The following ATP2B3 variants were observed in gnomAD, a reference collection of about 807,000 sequenced individuals.
ATP2B3 encodes the protein plasma membrane calcium-transporting ATPase 3.
ATP2B3 carries 12 observed loss-of-function variants against 70.8 expected under a neutral mutation model. The ratio of observed to expected loss-of-function variants is 0.17; its 90% CI spans 0.11 to 0.27. The LOEUF (loss-of-function observed/expected upper bound fraction) is 0.27. ATP2B3 is among the 10% of genes least tolerant of loss of function. The pLI, the probability that ATP2B3 is intolerant of heterozygous loss-of-function variation, is 1.00. For synonymous variants in ATP2B3, 460 were observed against 497.8 expected (o/e 0.92, Z 1.01); for missense variants, 858 against 1,118.5 (o/e 0.77, Z 3.32).
At chrX:153,564,439 C>T (rs1195828528) in intron 20 of ATP2B3, among the ~76,000 whole-genome samples, 4 of 112,748 alleles carry the variant, frequency 3.5e-5, no homozygotes, top group African/African-American at 1.3e-4. Flanking sequence ...GTCCCCAGCC[C>T]CCTGCCCCAC....
chrX:153,552,333 T>G (rs146030279), intron 12 of ATP2B3, among the ~76,000 whole-genome samples: 1,684 of 112,138 alleles, frequency 0.015, 35 homozygotes, highest in African/African-American at 0.05. Context: ...GCTTCTGTTA[T>G]GATCATTTCC....
chrX:153,547,692 C>CTGAT, intron 8 of ATP2B3, 143 bp from the exon 9 acceptor site: 3 of 756,918 alleles, frequency 4.0e-6, no homozygotes, highest in Non-Finnish European at 5.4e-6. Context: ...AGAAGGGAAG[C>CTGAT]TGATAGACTT....
chrX:153,566,983 G>A (rs1452097195), intron 21 of ATP2B3, among the ~76,000 whole-genome samples: 1 of 112,523 alleles, frequency 8.9e-6, no homozygotes, highest in African/African-American at 3.2e-5. Flanking sequence ...GGTCCAAGGG[G>A]CCTCTCCAGC....
At chrX:153,532,049 G>A (rs1226313401) in intron 2 of ATP2B3, among the ~76,000 whole-genome samples, 4 of 112,063 alleles carry the variant, frequency 3.6e-5, no homozygotes, top group Non-Finnish European at 5.6e-5. Context: ...CAAGTCACAT[G>A]GAAGGCAGGG....
intron 18 of ATP2B3, 22 bp downstream of exon 18, chrX:153,559,964 G>A (rs782777547): frequency 1.3e-5 from 15 of 1,194,312 alleles, no homozygotes; most frequent in Admixed American, 4.4e-5. Flanking sequence ...AGGGGCACCC[G>A]GGAGGACTTC....
chrX:153,551,762 AG>A (rs1456635244), intron 12 of ATP2B3, among the ~76,000 whole-genome samples: 3 of 112,029 alleles, frequency 2.7e-5, no homozygotes, highest in African/African-American at 6.5e-5. Context: ...TAAAGCTATT[AG>A]AACAAAGTAA....
At chrX:153,528,309 T>G (rs5945251) in intron 2 of ATP2B3, among the ~76,000 whole-genome samples, 10,175 of 112,142 alleles carry the variant, frequency 0.091, 417 homozygotes, top group Middle Eastern at 0.13. Flanking sequence ...CTAACCACTC[T>G]GTGCCTGAGC....
intron 21 of ATP2B3, among the ~76,000 whole-genome samples, chrX:153,571,359 T>C (rs1368529042): frequency 1.8e-5 from 2 of 112,448 alleles, no homozygotes; most frequent in African/African-American, 3.2e-5. Flanking sequence ...CGTATGTCTC[T>C]TTGCCATCTC....
chrX:153,523,710 TTC>T (rs782122993), intron 2 of ATP2B3, among the ~76,000 whole-genome samples: 1,190 of 39,225 alleles, frequency 0.03, 42 homozygotes, highest in African/African-American at 0.097. Flanking sequence ...TTTTTTTTTT[TTC>T]CCTGAGACAG....
chrX:153,538,109 C>T (rs914027872), intron 3 of ATP2B3, among the ~76,000 whole-genome samples: 1 of 112,987 alleles, frequency 8.9e-6, no homozygotes, highest in Non-Finnish European at 1.9e-5. Flanking sequence ...CTGGAGCTGT[C>T]GGGCTTGAGC....
chrX:153,571,051 A>G lies in ATP2B3; in HGVS notation c.3342+5948A>G, dbSNP rs782072669. ...ACACACACACACACTCCTTCTCCAAACCACAGGCCACGTACACCTCCAGCT... is the reference window on the plus strand; with the variant it reads ...ACACACACACACACTCCTTCTCCAAGCCACAGGCCACGTACACCTCCAGCT... On this transcript the variant is annotated intron_variant, in intron 21 of 21. Transcript: ENST00000263519. 8.2e-5 allele frequency among the ~76,000 whole-genome samples: 8 copies of G among 97,687 alleles called. No individual in the cohort carries two copies. The East Asian group carries it at 2.5e-3, about 30-fold the overall frequency. 84.8% of individuals were successfully genotyped at this position (97,687 alleles called of 115,157 possible). A position where few individuals can be genotyped will look rare whatever the true frequency, so the allele number is the denominator to read the frequency against.
chrX:153,537,142 C>A (rs899207240), intron 3 of ATP2B3, among the ~76,000 whole-genome samples: 4 of 113,356 alleles, frequency 3.5e-5, no homozygotes, highest in Non-Finnish European at 5.6e-5. Context: ...GCCTGACTAT[C>A]CCTGTGGGAG....
At chrX:153,524,540 A>G (rs1166668586) in intron 2 of ATP2B3, among the ~76,000 whole-genome samples, 1 of 111,815 alleles carries the variant, frequency 8.9e-6, no homozygotes, top group Non-Finnish European at 1.9e-5. Context: ...AATCCAAATG[A>G]GATGTGTCTT....
chrX:153,544,178 G>A (rs1292999629), intron 7 of ATP2B3, among the ~76,000 whole-genome samples: 1 of 112,416 alleles, frequency 8.9e-6, no homozygotes, highest in Non-Finnish European at 1.9e-5. Context: ...TGCCCTGGGG[G>A]TGCGCAGGCA....
intron 12 of ATP2B3, 71 bp downstream of exon 12, chrX:153,550,357 C>A: frequency 8.4e-7 from 1 of 1,183,813 alleles, no homozygotes; most frequent in Non-Finnish European, 1.1e-6. Context: ...TAAAAGAGGC[C>A]GAACGTAAAA....
chrX:153,575,837 C>T (rs942169252), intron 21 of ATP2B3, among the ~76,000 whole-genome samples: 5 of 111,059 alleles, frequency 4.5e-5, no homozygotes, highest in Non-Finnish European at 7.6e-5. Flanking sequence ...TGTCGGACAG[C>T]GCTGGGGGAC....
chrX:153,529,636 G>T (rs782679488), intron 2 of ATP2B3, among the ~76,000 whole-genome samples: 2 of 112,210 alleles, frequency 1.8e-5, no homozygotes, highest in South Asian at 7.5e-4. Context: ...CATTCATGGT[G>T]CTGTGCAGCC....
At chrX:153,549,417 G>C in intron 10 of ATP2B3, 80 bp from the exon 11 acceptor site, 1 of 1,191,759 alleles carries the variant, frequency 8.4e-7, no homozygotes. Context: ...ACAGAGTCAC[G>C]CGATGTTTGT....
chrX:153,565,082 C>T lies in ATP2B3; in HGVS notation c.3321C>T (p.Gly1107=). The change falls in exon 21 of 22, where the codon GGC becomes GGT. Residue 1107 remains glycine, a synonymous_variant. Transcript: ENST00000263519. The part of the protein sequence containing the change: ...LRRGQILWFR[G]LNRIQTQIRV... ...GGGGCCAGATCCTCTGGTTCCGGGG[C>T]CTGAACCGGATTCAGACGCAGGTAA... The T allele has an allele frequency of 8.4e-7, 1 of 1,190,578 alleles. No homozygotes were observed. The highest frequency in any genetic ancestry group is 1.1e-6 in the Non-Finnish European group (1 of 884,590).
Sources: gnomAD v4.1 joint callset for allele counts (sites outside exome capture counted in the v4.1 genomes callset) on GRCh38, gnomAD v4.1.1 for gene constraint, MANE v1.5 for transcripts, NCBI Gene and HGNC (gene_info 2026-07-23, HGNC 2026-07-21) for gene names.